The following TMEM132D variants were observed in gnomAD, a reference collection of about 807,000 sequenced individuals.
TMEM132D encodes the protein mature OL transmembrane protein.
In TMEM132D, 21 loss-of-function variants were observed where a neutral mutation model predicts 62.3. The ratio of observed to expected loss-of-function variants is 0.34; its 90% CI spans 0.24 to 0.49. TMEM132D has a LOEUF of 0.49. Among genes scored for constraint, TMEM132D ranks in the 20% least tolerant of loss-of-function variants. The pLI is 0.99. For synonymous variants in TMEM132D, 621 were observed against 575.6 expected (o/e 1.08, Z -1.13); for missense variants, 1,346 against 1,402.8 (o/e 0.96, Z 0.65).
chr12:129,526,988 T>G (rs974705386), intron 3 of TMEM132D, among the ~76,000 whole-genome samples: 1 of 152,208 alleles, frequency 6.6e-6, no homozygotes, highest in Non-Finnish European at 1.5e-5. Context: ...CTGTCTTGTT[T>G]AAGATATTCC....
intron 4 of TMEM132D, among the ~76,000 whole-genome samples, chr12:129,335,096 G>A (rs1432355688): frequency 1.4e-5 from 2 of 140,310 alleles, no homozygotes; most frequent in African/African-American, 5.3e-5. Context: ...CTTACTGTGT[G>A]TTTGCTATAG....
chr12:129,590,558 A>G (rs926876556), intron 2 of TMEM132D, among the ~76,000 whole-genome samples: 1 of 152,218 alleles, frequency 6.6e-6, no homozygotes, highest in African/African-American at 2.4e-5. Context: ...TTGTGCTTCC[A>G]TTCTTTTTCA....
At chr12:129,655,948 CTT>C (rs987066581) in intron 2 of TMEM132D, among the ~76,000 whole-genome samples, 4 of 152,184 alleles carry the variant, frequency 2.6e-5, no homozygotes, top group African/African-American at 9.7e-5. Flanking sequence ...AGTGACCAAA[CTT>C]CTCTTTCGGT....
intron 5 of TMEM132D, among the ~76,000 whole-genome samples, chr12:129,126,389 T>G (rs568449793): frequency 2.0e-5 from 3 of 151,952 alleles, no homozygotes; most frequent in African/African-American, 7.2e-5. Flanking sequence ...TAATCCTGTT[T>G]GCATTTTTTG....
chr12:129,420,738 G>C (rs1322464907), intron 3 of TMEM132D, among the ~76,000 whole-genome samples: 1 of 152,142 alleles, frequency 6.6e-6, no homozygotes, highest in African/African-American at 2.4e-5. Flanking sequence ...TCTGAAATCT[G>C]TCTCCAACTA....
At chr12:129,605,622 TAC>T (rs55684861) in intron 2 of TMEM132D, among the ~76,000 whole-genome samples, 19,725 of 125,922 alleles carry the variant, frequency 0.16, 1,753 homozygotes, top group African/African-American at 0.21. Context: ...CATATATATA[TAC>T]ACACACACAC....
chr12:129,357,583 GAGAA>G (rs36224797), intron 3 of TMEM132D, among the ~76,000 whole-genome samples: 3,407 of 151,948 alleles, frequency 0.022, 77 homozygotes, highest in Admixed American at 0.063. Context: ...GCAAGGAAGG[GAGAA>G]AGAAAGGAGA....
intron 1 of TMEM132D, among the ~76,000 whole-genome samples, chr12:129,707,655 T>G (rs1281162664): frequency 6.6e-6 from 1 of 152,232 alleles, no homozygotes. Flanking sequence ...ATCAATATGT[T>G]GGACAGTATA....
intron 1 of TMEM132D, among the ~76,000 whole-genome samples, chr12:129,791,914 A>G (rs1456640934): frequency 6.6e-6 from 1 of 152,182 alleles, no homozygotes; most frequent in Non-Finnish European, 1.5e-5. Context: ...TTTCCTAAAC[A>G]TTAGGGCAAA....
chr12:129,558,266 T>C (rs1487208271), intron 2 of TMEM132D, among the ~76,000 whole-genome samples: 1 of 152,214 alleles, frequency 6.6e-6, no homozygotes, highest in Non-Finnish European at 1.5e-5. Flanking sequence ...TCAGAAATGC[T>C]TCTACATGGA....
At chr12:129,895,422 C>A (rs527447110) in intron 1 of TMEM132D, among the ~76,000 whole-genome samples, 131 of 152,322 alleles carry the variant, frequency 8.6e-4, no homozygotes, top group African/African-American at 2.9e-3. Flanking sequence ...GTGACCACAA[C>A]AACCAGGAGG....
In TMEM132D at chr12:129,309,412, C is replaced by T. The variant is rs1187206296; in HGVS notation, c.1299+28222G>A. Reference sequence around the variant, plus strand: ...ATTATCTAAATAGCTTTTGTCTCTACAGTCCCCTCAGATTTGTCCCTTGAA... The same window carrying T: ...ATTATCTAAATAGCTTTTGTCTCTATAGTCCCCTCAGATTTGTCCCTTGAA... On this transcript the variant is annotated intron_variant, in intron 4 of 8. Coordinates refer to ENST00000422113, the MANE Select transcript of TMEM132D (RefSeq NM_133448.3). Among the ~76,000 whole-genome samples the T allele has an allele frequency of 3.3e-5, 5 of 152,192 alleles. No homozygotes were observed. The South Asian group carries it at 6.2e-4, about 19-fold the overall frequency.
chr12:129,148,305 G>A (rs771827547), intron 5 of TMEM132D, among the ~76,000 whole-genome samples: 3 of 152,162 alleles, frequency 2.0e-5, no homozygotes, highest in Non-Finnish European at 4.4e-5. Context: ...TGCTGGAACC[G>A]GTAAATATGT....
chr12:129,766,851 C>T (rs756591691), intron 1 of TMEM132D, among the ~76,000 whole-genome samples: 10 of 152,190 alleles, frequency 6.6e-5, no homozygotes, highest in Non-Finnish European at 1.0e-4. Context: ...TGCAGGAAGC[C>T]CAGCTCCATA....
chr12:129,352,762 T>C lies in TMEM132D; in HGVS notation c.1116-14945A>G, dbSNP rs142185219. 1.8e-3 allele frequency among the ~76,000 whole-genome samples: 269 copies of C among 152,166 alleles called. 1 individual carries two copies. The highest frequency in any genetic ancestry group is 6.8e-3 in the Middle Eastern group (2 of 294). ...CGATTATTAAAAGGTTAGGAAACAA[T>C]AGATGTTGGCGAGGCTGTGGAGAAA... On this transcript the variant is annotated intron_variant, in intron 3 of 8. Coordinates refer to ENST00000422113, the MANE Select transcript of TMEM132D (RefSeq NM_133448.3).
At chr12:129,484,459 T>C (rs983915384) in intron 3 of TMEM132D, among the ~76,000 whole-genome samples, 3 of 152,240 alleles carry the variant, frequency 2.0e-5, no homozygotes, top group Middle Eastern at 3.2e-3. Context: ...TTGTTTGCTA[T>C]AAAATATCAT....
intron 2 of TMEM132D, among the ~76,000 whole-genome samples, chr12:129,543,069 T>C (rs1433656898): frequency 6.7e-6 from 1 of 149,970 alleles, no homozygotes; most frequent in Non-Finnish European, 1.5e-5. Flanking sequence ...CATTAAGCAA[T>C]GCATGACAGT....
At chr12:129,125,243 A>G (rs937300659) in intron 5 of TMEM132D, among the ~76,000 whole-genome samples, 3 of 152,180 alleles carry the variant, frequency 2.0e-5, no homozygotes, top group Admixed American at 6.5e-5. Context: ...CTGAGATGCT[A>G]TCTCCTAATA....
chr12:129,468,271 G>A (rs572727702), intron 3 of TMEM132D, among the ~76,000 whole-genome samples: 2 of 152,236 alleles, frequency 1.3e-5, no homozygotes, highest in Admixed American at 6.5e-5. Flanking sequence ...AAGAGGGGTG[G>A]TGAGCAAAGA....
Sources: allele counts gnomAD v4.1 joint callset (sites outside exome capture counted in the v4.1 genomes callset), GRCh38; gene constraint gnomAD v4.1.1; transcripts MANE v1.5; gene names NCBI Gene and HGNC (gene_info 2026-07-23, HGNC 2026-07-21).